Variants in CDH18 observed in about 807,000 individuals in gnomAD.
CDH18 encodes cadherin-18.
Under a neutral mutation model 67.9 loss-of-function variants are expected in CDH18, and 31 were observed. The ratio of observed to expected loss-of-function variants is 0.46; its 90% CI spans 0.34 to 0.62. The LOEUF (loss-of-function observed/expected upper bound fraction) is 0.62. CDH18 is among the 20% of genes least tolerant of loss of function. The pLI, the probability that CDH18 is intolerant of heterozygous loss-of-function variation, is 0.01. For synonymous variants in CDH18, 362 were observed against 347.2 expected, an observed-to-expected ratio of 1.04 and a Z score of -0.48; for missense variants, 890 against 975.5, an observed-to-expected ratio of 0.91 and a Z score of 1.17.
chr5:19,959,208 T>C (rs902247458), intron 2 of CDH18, among the ~76,000 whole-genome samples: 3 of 152,088 alleles, frequency 2.0e-5, no homozygotes, highest in Non-Finnish European at 4.4e-5. Context: ...GTAAATATTT[T>C]ACTGGGCTTA....
chr5:19,919,629 G>C (rs1258432212), intron 2 of CDH18, among the ~76,000 whole-genome samples: 1 of 152,152 alleles, frequency 6.6e-6, no homozygotes, highest in Non-Finnish European at 1.5e-5. Flanking sequence ...TATAAGGGTA[G>C]TAGATATGGA....
At chr5:19,494,402 C>A (rs1022226626) in intron 11 of CDH18, among the ~76,000 whole-genome samples, 1 of 152,126 alleles carries the variant, frequency 6.6e-6, no homozygotes, top group African/African-American at 2.4e-5. Flanking sequence ...AGGAAGTGGC[C>A]ATAGTTTCAC....
chr5:20,281,985 G>T (rs1292453207), intron 1 of CDH18, among the ~76,000 whole-genome samples: 1 of 151,996 alleles, frequency 6.6e-6, no homozygotes, highest in African/African-American at 2.4e-5. Flanking sequence ...ATTATAAATG[G>T]GAGTTCACTC....
rs1378076153 is a variant in CDH18, at chr5:20,357,825, A to T, written c.-579-102320T>A. 2.6e-5 allele frequency among the ~76,000 whole-genome samples: 4 copies of T among 152,188 alleles called. 1 individual carries two copies. ...TACCCAAAGGAAAATAAATGATTCTACCAAAAGGACATATGCACTTGCATG... is the reference window on the plus strand; with the variant it reads ...TACCCAAAGGAAAATAAATGATTCTTCCAAAAGGACATATGCACTTGCATG... On this transcript the variant is annotated intron_variant, in intron 1 of 14. Transcript: ENST00000507958.
chr5:20,023,171 C>T (rs1272292369), intron 2 of CDH18, among the ~76,000 whole-genome samples: 1 of 152,142 alleles, frequency 6.6e-6, no homozygotes, highest in Non-Finnish European at 1.5e-5. Context: ...TTACAACCTT[C>T]CTTCACTTTC....
chr5:20,210,350 T>C (rs927718555), intron 2 of CDH18, among the ~76,000 whole-genome samples: 1 of 151,990 alleles, frequency 6.6e-6, no homozygotes, highest in South Asian at 2.1e-4. Context: ...GTTTTCAGGT[T>C]CCTGAGTGTA....
intron 5 of CDH18, among the ~76,000 whole-genome samples, chr5:19,691,159 A>G (rs1419989206): frequency 7.9e-6 from 1 of 127,332 alleles, no homozygotes; most frequent in African/African-American, 2.5e-5. Flanking sequence ...TCACAATAAC[A>G]GAAGGAAGGA....
chr5:19,532,469 T>C (rs1425604196), intron 9 of CDH18, among the ~76,000 whole-genome samples: 1 of 152,200 alleles, frequency 6.6e-6, no homozygotes. Flanking sequence ...TATCTTTAAC[T>C]TTCGACAAGA....
intron 8 of CDH18, among the ~76,000 whole-genome samples, chr5:19,553,564 T>C (rs1737832698): frequency 1.4e-5 from 2 of 148,056 alleles, no homozygotes; most frequent in South Asian, 4.2e-4. Flanking sequence ...TTGTTGAGAA[T>C]AATCAATAGT....
intron 2 of CDH18, among the ~76,000 whole-genome samples, chr5:20,118,498 C>G (rs1296157114): frequency 3.9e-5 from 6 of 152,048 alleles, no homozygotes; most frequent in Non-Finnish European, 8.8e-5. Context: ...TAATTATTTT[C>G]AGTAACCTAA....
Position 19,549,890 on chromosome 5 carries a change from A to G in CDH18, c.1254-5885T>C, listed in dbSNP as rs147361298. ...GAGAGTTTAATGAAGAGATCAGAGT[A>G]TAAAATTCCAAGGCATAAAAGCTTC... On this transcript the variant is annotated intron_variant, in intron 8 of 12. Coordinates refer to ENST00000382275, the MANE Select transcript of CDH18 (RefSeq NM_004934.5). Among the ~76,000 whole-genome samples the G allele has an allele frequency of 1.5e-3, 233 of 152,258 alleles. 1 individual carries two copies. The highest frequency in any genetic ancestry group is 2.3e-3 in the East Asian group (12 of 5,180).
chr5:20,560,685 C>T lies in CDH18; in HGVS notation c.-580+14777G>A, dbSNP rs529047681. Among the ~76,000 whole-genome samples the T allele has an allele frequency of 1.4e-3, 217 of 152,082 alleles. 4 individuals are homozygous for T. Among genetic ancestry groups the T allele is most frequent in the Non-Finnish European group, 1.6e-3 (111 of 67,960 alleles). On this transcript the variant is annotated intron_variant, in intron 1 of 14. Transcript: ENST00000507958. ...TCTTCTATTTAGAGCTGCTCTAAGTCTTTCTTCTACTAGACTAAGTTTAGG... is the reference window on the plus strand; with the variant it reads ...TCTTCTATTTAGAGCTGCTCTAAGTTTTTCTTCTACTAGACTAAGTTTAGG...
intron 10 of CDH18, among the ~76,000 whole-genome samples, chr5:19,510,100 TG>T (rs1397603822): frequency 3.9e-5 from 6 of 152,150 alleles, no homozygotes; most frequent in Non-Finnish European, 7.3e-5. Flanking sequence ...CAATTGTCAT[TG>T]AAAGAGGAAC....
intron 1 of CDH18, among the ~76,000 whole-genome samples, chr5:20,509,206 A>C (rs551879785): frequency 1.3e-5 from 2 of 152,286 alleles, no homozygotes; most frequent in South Asian, 4.1e-4. Flanking sequence ...CCTCCCTAAC[A>C]GAAATTTTGT....
intron 3 of CDH18, among the ~76,000 whole-genome samples, chr5:19,768,344 A>G (rs1300639292): frequency 6.6e-6 from 1 of 152,188 alleles, no homozygotes; most frequent in African/African-American, 2.4e-5. Context: ...AGAGATTTAT[A>G]AGGAAATTTC....
At chr5:19,891,090 A>G (rs1255629647) in intron 2 of CDH18, among the ~76,000 whole-genome samples, 1 of 152,144 alleles carries the variant, frequency 6.6e-6, no homozygotes, top group Non-Finnish European at 1.5e-5. Flanking sequence ...TACCCTTGGC[A>G]CTGGCATCCT....
chr5:20,138,577 C>G (rs926027897), intron 2 of CDH18, among the ~76,000 whole-genome samples: 4 of 152,126 alleles, frequency 2.6e-5, no homozygotes, highest in Non-Finnish European at 5.9e-5. Flanking sequence ...TCATCTCAAG[C>G]CCAAAATCTC....
rs1739993957 is a variant in CDH18, at chr5:20,207,489, T to C, written c.-518+47955A>G. Among the ~76,000 whole-genome samples, 3 of 152,182 alleles carry C rather than the reference T, an allele frequency of 2.0e-5. 1 individual carries two copies. The South Asian group carries it at 6.2e-4, about 32-fold the overall frequency. On this transcript the variant is annotated intron_variant, in intron 2 of 14. Transcript: ENST00000507958. Reference sequence around the variant, plus strand: ...AGAAAGAGGTTTAAGGGACTTACAGTTCCATGTGGCTGAAGAAGCTCACAA... The same window carrying C: ...AGAAAGAGGTTTAAGGGACTTACAGCTCCATGTGGCTGAAGAAGCTCACAA...
At position 19,747,196 on chromosome 5, in the gene CDH18, T is replaced by C. The variant is rs1770135937; in HGVS notation, c.269A>G (p.Tyr90Cys). 6.2e-7 allele frequency: 1 copy of C among 1,613,892 alleles called. No individual in the cohort carries two copies. Among genetic ancestry groups the C allele is most frequent in the Non-Finnish European group, 8.5e-7 (1 of 1,179,870 alleles). Residue 90 changes from tyrosine (Y) to cysteine (C), a missense_variant, in exon 4 of 13, where the codon TAC becomes TGC. This residue lies in a region of CDH18 where 234 missense variants were observed against 307.4 expected (regional missense o/e 0.76). Coordinates refer to ENST00000382275, the MANE Select transcript of CDH18 (RefSeq NM_004934.5). ...CCCAGCACCCTCTCCAGTAAGGATG[T>C]ACTTGACAGATCCATCACCTTTGTC... ...NSDKGDGSVK[Y>C]ILTGEGAGTI...
Sources: allele counts gnomAD v4.1 joint callset (sites outside exome capture counted in the v4.1 genomes callset), GRCh38; gene constraint gnomAD v4.1.1; regional missense constraint gnomAD v4.1.1; transcripts MANE v1.5; gene names NCBI Gene and HGNC (gene_info 2026-07-23, HGNC 2026-07-21).